The following STK39 variants were observed in gnomAD, a reference collection of about 807,000 sequenced individuals.
STK39 encodes STE20/SPS1-related proline-alanine-rich protein kinase.
A neutral mutation model predicts 77.8 loss-of-function variants in STK39; 20 were observed. The observed-to-expected ratio is 0.26, with a 90% CI of 0.18 to 0.37. The LOEUF is 0.37. Among genes scored for constraint, STK39 ranks in the 10% least tolerant of loss-of-function variants. The pLI, the probability that STK39 is intolerant of heterozygous loss-of-function variation, is 1.00. For synonymous variants in STK39, 246 were observed against 234.1 expected, an observed-to-expected ratio of 1.05 and a Z score of -0.47; for missense variants, 479 against 656.5, an observed-to-expected ratio of 0.73 and a Z score of 2.95.
intron 2 of STK39, among the ~76,000 whole-genome samples, chr2:168,177,252 T>A (rs1220898972): frequency 6.6e-6 from 1 of 152,210 alleles, no homozygotes; most frequent in Non-Finnish European, 1.5e-5. Flanking sequence ...TTCATTTTTT[T>A]AATGACACAA....
chr2:168,187,320 C>T (rs112003628), intron 1 of STK39, among the ~76,000 whole-genome samples: 6,054 of 151,488 alleles, frequency 0.04, 390 homozygotes, highest in African/African-American at 0.14. Flanking sequence ...CACTGCACTC[C>T]AGCCTGGGTG....
intron 15 of STK39, among the ~76,000 whole-genome samples, chr2:168,015,745 C>G (rs1308387264): frequency 6.6e-6 from 1 of 152,150 alleles, no homozygotes; most frequent in Non-Finnish European, 1.5e-5. Flanking sequence ...GTAATTGAAG[C>G]ATTTATTACA....
intron 14 of STK39, among the ~76,000 whole-genome samples, chr2:168,028,649 T>C (rs1559064065): frequency 1.3e-5 from 2 of 152,212 alleles, no homozygotes; most frequent in Non-Finnish European, 2.9e-5. Context: ...AGGATCTCTG[T>C]AGATCACTGT....
At chr2:168,219,286 C>CA (rs113656169) in intron 1 of STK39, among the ~76,000 whole-genome samples, 197 of 134,004 alleles carry the variant, frequency 1.5e-3, no homozygotes, top group East Asian at 0.011. Flanking sequence ...ACTCTTGTTT[C>CA]AAAAAAAAAA....
At chr2:168,043,906 A>G (rs1221080928) in intron 14 of STK39, among the ~76,000 whole-genome samples, 1 of 152,238 alleles carries the variant, frequency 6.6e-6, no homozygotes, top group Non-Finnish European at 1.5e-5. Context: ...CTCTTTATAT[A>G]AAATAATTCC....
intron 1 of STK39, among the ~76,000 whole-genome samples, chr2:168,230,306 TCCAAGA>T (rs917974774): frequency 2.0e-5 from 3 of 152,172 alleles, no homozygotes; most frequent in African/African-American, 7.2e-5. Context: ...TGTGTGACTT[TCCAAGA>T]CTAGGCCTCA....
At chr2:168,158,335 GT>G (rs2105576440) in intron 5 of STK39, among the ~76,000 whole-genome samples, 1 of 152,298 alleles carries the variant, frequency 6.6e-6, no homozygotes, top group Admixed American at 6.5e-5. Context: ...AAGTTTTCCA[GT>G]CTGAAAAGAG....
intron 2 of STK39, among the ~76,000 whole-genome samples, chr2:168,173,879 A>G (rs867390218): frequency 2.0e-5 from 3 of 152,222 alleles, no homozygotes; most frequent in African/African-American, 7.2e-5. Context: ...AAAATGATAT[A>G]CCATTTATAC....
chr2:168,197,654 G>A (rs755275203), intron 1 of STK39, among the ~76,000 whole-genome samples: 1 of 152,182 alleles, frequency 6.6e-6, no homozygotes, highest in Non-Finnish European at 1.5e-5. Flanking sequence ...AAATATATAT[G>A]TAAATATCCA....
chr2:168,108,566 GAAAAT>G (rs1464341859), intron 10 of STK39, among the ~76,000 whole-genome samples: 2 of 147,870 alleles, frequency 1.4e-5, no homozygotes, highest in East Asian at 2.0e-4. Context: ...AAAAAGAAAA[GAAAAT>G]AAAAAAAAAA....
intron 14 of STK39, among the ~76,000 whole-genome samples, chr2:168,031,689 CAAG>C (rs2105339454): frequency 6.6e-6 from 1 of 152,240 alleles, no homozygotes; most frequent in Admixed American, 6.5e-5. Flanking sequence ...ATAAGAACAG[CAAG>C]AAGGTCTTCT....
At chr2:168,220,020 TTTGC>T (rs1559152397) in intron 1 of STK39, among the ~76,000 whole-genome samples, 1 of 152,120 alleles carries the variant, frequency 6.6e-6, no homozygotes, top group Non-Finnish European at 1.5e-5. Context: ...AGAGCCTTCC[TTTGC>T]TTGAGTATTT....
chr2:168,173,612 C>A (rs1028880962), intron 2 of STK39, among the ~76,000 whole-genome samples: 2 of 152,092 alleles, frequency 1.3e-5, no homozygotes, highest in South Asian at 2.1e-4. Context: ...GGCTAGAATG[C>A]AATGGTGAAA....
chr2:168,016,392 A>AAAAAAAAC (rs1189883120), intron 15 of STK39, among the ~76,000 whole-genome samples: 2 of 142,596 alleles, frequency 1.4e-5, no homozygotes, highest in African/African-American at 5.8e-5. Context: ...TTGTTCAAAA[A>AAAAAAAAC]AAAAAAAAAA....
intron 10 of STK39, among the ~76,000 whole-genome samples, chr2:168,097,825 T>C (rs1559095821): frequency 6.6e-6 from 1 of 152,210 alleles, no homozygotes; most frequent in East Asian, 1.9e-4. Flanking sequence ...GTATATCATG[T>C]GATTGTTATA....
intron 1 of STK39, among the ~76,000 whole-genome samples, chr2:168,230,233 T>TAAAAG (rs1690419856): frequency 1.3e-5 from 2 of 152,200 alleles, no homozygotes; most frequent in Non-Finnish European, 1.5e-5. Flanking sequence ...CTATCTCCTT[T>TAAAAG]CCCTTTGAAT....
At chr2:168,157,360 A>G (rs1420407190) in intron 5 of STK39, among the ~76,000 whole-genome samples, 3 of 152,200 alleles carry the variant, frequency 2.0e-5, no homozygotes, top group Non-Finnish European at 4.4e-5. Context: ...GCTCAGTACC[A>G]GTTTTTATTT....
intron 14 of STK39, among the ~76,000 whole-genome samples, chr2:168,024,129 C>A (rs1055569584): frequency 2.0e-5 from 3 of 152,182 alleles, no homozygotes; most frequent in Admixed American, 6.5e-5. Context: ...CTACTCTGGG[C>A]ACCAAACCAA....
chr2:168,060,100 T>C (rs1249960388), intron 14 of STK39, among the ~76,000 whole-genome samples: 1 of 152,184 alleles, frequency 6.6e-6, no homozygotes, highest in Non-Finnish European at 1.5e-5. Flanking sequence ...TCAAAGGCTA[T>C]TTCTCAAACT....
Sources: gnomAD v4.1 joint callset for allele counts (sites outside exome capture counted in the v4.1 genomes callset) on GRCh38, gnomAD v4.1.1 for gene constraint, MANE v1.5 for transcripts, NCBI Gene and HGNC (gene_info 2026-07-23, HGNC 2026-07-21) for gene names.